The following COL11A1 variants were observed in gnomAD, a reference collection of about 807,000 sequenced individuals.
COL11A1 encodes the protein collagen type XI alpha 1 chain.
COL11A1 carries 74 observed loss-of-function variants against 265.2 expected under a neutral mutation model. The observed-to-expected ratio is 0.28, with a 90% CI of 0.23 to 0.34. The LOEUF is 0.34. Ranked by LOEUF, COL11A1 falls within the 10% of genes least tolerant of loss-of-function variation. The pLI is 1.00. For synonymous variants in COL11A1, 816 were observed against 727.6 expected, an observed-to-expected ratio of 1.12 and a Z score of -1.96; for missense variants, 2,165 against 2,263.6, an observed-to-expected ratio of 0.96 and a Z score of 0.88.
At chr1:103,002,054 G>T in intron 23 of COL11A1, 85 bp from the exon 24 acceptor site, 2 of 1,106,026 alleles carry the variant, frequency 1.8e-6, no homozygotes, top group Non-Finnish European at 2.8e-6. Flanking sequence ...GCTCACTATA[G>T]TACACAGTGA....
chr1:102,961,835 T>C lies in COL11A1; in HGVS notation c.3168+31A>G, dbSNP rs116365261. Reference sequence around the variant, plus strand: ...GAAGAGCTGTAATTCACAACCATGATTGTCTGGCTATTTATTATCATCATA... The same window carrying C: ...GAAGAGCTGTAATTCACAACCATGACTGTCTGGCTATTTATTATCATCATA... On this transcript the variant is annotated intron_variant, in intron 41 of 66. Transcript: ENST00000370096. 920 of 1,598,324 alleles carry C rather than the reference T, an allele frequency of 5.8e-4. 4 individuals are homozygous for C. The African/African-American group carries it at 0.011, about 19-fold the overall frequency.
chr1:103,069,535 C>T (rs1363572841), intron 4 of COL11A1, among the ~76,000 whole-genome samples: 3 of 151,344 alleles, frequency 2.0e-5, no homozygotes, highest in African/African-American at 7.3e-5. Flanking sequence ...AACATAACAA[C>T]AAAATTGATA....
At chr1:102,951,217 ACCTT>A (rs1266996012) in intron 41 of COL11A1, among the ~76,000 whole-genome samples, 1 of 152,054 alleles carries the variant, frequency 6.6e-6, no homozygotes, top group African/African-American at 2.4e-5. Flanking sequence ...TTCTTATAGA[ACCTT>A]GGTTTTCTAC....
intron 54 of COL11A1, among the ~76,000 whole-genome samples, chr1:102,911,188 C>T (rs1355789422): frequency 1.3e-5 from 2 of 151,834 alleles, no homozygotes; most frequent in Non-Finnish European, 2.9e-5. Context: ...ATGTACTTGG[C>T]CAATGAAGAG....
chr1:102,904,565 G>A (rs1458311861), intron 54 of COL11A1, among the ~76,000 whole-genome samples: 3 of 151,762 alleles, frequency 2.0e-5, no homozygotes, highest in Non-Finnish European at 4.4e-5. Flanking sequence ...GTGGGTGAAG[G>A]ATATGAACAG....
intron 65 of COL11A1, among the ~76,000 whole-genome samples, chr1:102,881,244 G>T (rs1650201781): frequency 6.6e-6 from 1 of 151,914 alleles, no homozygotes. Context: ...ACTGGTAATT[G>T]TATGGAAATC....
At chr1:102,994,518 A>G (rs1664439132) in intron 28 of COL11A1, among the ~76,000 whole-genome samples, 1 of 152,058 alleles carries the variant, frequency 6.6e-6, no homozygotes, top group Admixed American at 6.6e-5. Context: ...AGATGCCACT[A>G]TGCTTCCTGT....
Position 102,877,913 on chromosome 1 carries a change from C to A in COL11A1, c.*106G>T. The A allele has an allele frequency of 8.9e-7, 1 of 1,118,768 alleles. No individual in the cohort carries two copies. Among genetic ancestry groups the A allele is most frequent in the Non-Finnish European group, 1.4e-6 (1 of 733,726 alleles). 69.3% of individuals were successfully genotyped at this position (1,118,768 alleles called of 1,614,324 possible). Reference sequence around the variant, plus strand: ...TCCTAAATGGTACCTGTATATGCAGCGTTGTTTTCTATACCATCCTTATTC... The same window carrying A: ...TCCTAAATGGTACCTGTATATGCAGAGTTGTTTTCTATACCATCCTTATTC... On this transcript the variant is annotated 3_prime_UTR_variant, in exon 67 of 67. Coordinates refer to ENST00000370096, the MANE Select transcript of COL11A1 (RefSeq NM_001854.4).
Position 103,014,551 on chromosome 1 carries a change from G to A in COL11A1, c.1532C>T (p.Ala511Val). ...GDGSKGPTIS[A>V]QEAQAQAILQ... is the part of the protein sequence containing the mutation. ...AATAGCTTGAGCCTGAGCTTCCTGA[G>A]CAGAGATGGTTGGTCCTTTGGAACC... The change falls in exon 13 of 67, where the codon GCT (alanine) becomes GTT (valine). Residue 511 changes from alanine to valine, a missense_variant. Ala to Val is a moderately conservative substitution (Grantham distance 64). Transcript: ENST00000370096. 6.2e-7 allele frequency: 1 copy of A among 1,613,734 alleles called. No homozygotes were observed. The highest frequency in any genetic ancestry group is 8.5e-7 in the Non-Finnish European group (1 of 1,179,774).
At position 102,914,414 on chromosome 1, in the gene COL11A1, A is replaced by C. The variant is rs993095334; in HGVS notation, c.3925-9T>G. 2.5e-6 allele frequency: 4 copies of C among 1,601,754 alleles called. No individual in the cohort carries two copies. In the African/African-American group the frequency reaches 5.4e-5, roughly 21 times the overall value. On this transcript the variant is annotated splice_polypyrimidine_tract_variant and intron_variant, in intron 51 of 66. Coordinates refer to ENST00000370096, the MANE Select transcript of COL11A1 (RefSeq NM_001854.4). Reference sequence around the variant, plus strand: ...GGAAAACCAACAGGACCCTAGAATGACGTTTTGAAAGAAAAAGAAATAAAT... The same window carrying C: ...GGAAAACCAACAGGACCCTAGAATGCCGTTTTGAAAGAAAAAGAAATAAAT...
Position 103,017,785 on chromosome 1 carries a change from G to A in COL11A1, c.1413+35C>T. ...TTAATTATTTAAGTCTGTATGACAT[G>A]CATTTGTAATGAGATATCATGTCCA... On this transcript the variant is annotated intron_variant, in intron 11 of 66. Transcript: ENST00000370096. 3 of 1,529,032 alleles carry A rather than the reference G, an allele frequency of 2.0e-6. No homozygotes were observed. The South Asian group carries it at 3.4e-5, about 17-fold the overall frequency. 94.7% of individuals were successfully genotyped at this position (1,529,032 alleles called of 1,614,324 possible).
chr1:102,892,070 T>C (rs1460768341), intron 57 of COL11A1, among the ~76,000 whole-genome samples: 2 of 152,080 alleles, frequency 1.3e-5, no homozygotes, highest in African/African-American at 4.8e-5. Flanking sequence ...ACTTATGAAA[T>C]TAGGGCCACG....
intron 6 of COL11A1, chr1:103,025,916 C>T (rs1447100250): frequency 1.2e-6 from 2 of 1,612,568 alleles, no homozygotes; most frequent in Admixed American, 3.3e-5. Context: ...TTAGTAGCCA[C>T]TGTCCTCATC....
intron 54 of COL11A1, among the ~76,000 whole-genome samples, chr1:102,906,127 A>G (rs1570688327): frequency 6.6e-6 from 1 of 152,292 alleles, no homozygotes; most frequent in South Asian, 2.1e-4. Flanking sequence ...AGATTCAGGC[A>G]TTAGGCTTTG....
At chr1:103,067,576 C>A (rs558813792) in intron 4 of COL11A1, among the ~76,000 whole-genome samples, 2 of 151,412 alleles carry the variant, frequency 1.3e-5, no homozygotes, top group Non-Finnish European at 3.0e-5. Context: ...GCTAGAGAAA[C>A]AATTTTTCTT....
At chr1:103,103,760 ATC>A in intron 1 of COL11A1, among the ~76,000 whole-genome samples, 1 of 14,788 alleles carries the variant, frequency 6.8e-5, no homozygotes, top group East Asian at 0.056. Context: ...CACAACAGAT[ATC>A]ATGGTAGTCC....
chr1:103,052,183 C>G (rs1669892007), intron 4 of COL11A1, among the ~76,000 whole-genome samples: 1 of 152,046 alleles, frequency 6.6e-6, no homozygotes, highest in Non-Finnish European at 1.5e-5. Context: ...AACCAATATT[C>G]AACAATTCAT....
intron 36 of COL11A1, among the ~76,000 whole-genome samples, chr1:102,974,486 G>T (rs1662275346): frequency 6.6e-6 from 1 of 152,060 alleles, no homozygotes; most frequent in Admixed American, 6.6e-5. Context: ...GATGATGGAA[G>T]ATAAAGATAA....
intron 54 of COL11A1, among the ~76,000 whole-genome samples, chr1:102,899,808 G>A (rs964679965): frequency 1.3e-5 from 2 of 152,080 alleles, no homozygotes; most frequent in Admixed American, 1.3e-4. Context: ...GTGTTAATTG[G>A]TGAGAATAAG....
Sources: allele counts gnomAD v4.1 joint callset (sites outside exome capture counted in the v4.1 genomes callset), GRCh38; gene constraint gnomAD v4.1.1; transcripts MANE v1.5; gene names NCBI Gene and HGNC (gene_info 2026-07-23, HGNC 2026-07-21).